TAFA1: variants seen among roughly 807,000 people sequenced by gnomAD.
The protein encoded by TAFA1 is chemokine-like protein TAFA-1.
TAFA1 carries 4 observed loss-of-function variants against 18.5 expected under a neutral mutation model. That is an observed-to-expected ratio of 0.22 (90% CI 0.11 to 0.49). The LOEUF is 0.49. Among genes scored for constraint, TAFA1 ranks in the 20% least tolerant of loss-of-function variants. TAFA1 has a pLI of 0.98. For synonymous variants in TAFA1, 56 were observed against 55.2 expected (o/e 1.01, Z -0.06); for missense variants, 147 against 169.0 (o/e 0.87, Z 0.72).
chr3:68,216,391 A>G (rs978898662), intron 2 of TAFA1, among the ~76,000 whole-genome samples: 2 of 152,230 alleles, frequency 1.3e-5, no homozygotes, highest in South Asian at 2.1e-4. Context: ...ATTAAAATAT[A>G]TAAAACACCT....
intron 2 of TAFA1, among the ~76,000 whole-genome samples, chr3:68,089,607 C>G (rs1276280874): frequency 6.6e-6 from 1 of 152,098 alleles, no homozygotes; most frequent in Non-Finnish European, 1.5e-5. Context: ...TCCAGGGAAA[C>G]CCAAGCCATG....
At chr3:68,405,343 A>C (rs2070577688) in intron 2 of TAFA1, among the ~76,000 whole-genome samples, 1 of 151,994 alleles carries the variant, frequency 6.6e-6, no homozygotes, top group African/African-American at 2.4e-5. Context: ...AAAATGAATA[A>C]AGAGGTAGGA....
intron 2 of TAFA1, among the ~76,000 whole-genome samples, chr3:68,143,542 C>A (rs1472915128): frequency 6.6e-6 from 1 of 152,180 alleles, no homozygotes; most frequent in Non-Finnish European, 1.5e-5. Flanking sequence ...GTCGTGGGGA[C>A]TGTTGTGTCC....
intron 2 of TAFA1, among the ~76,000 whole-genome samples, chr3:68,273,746 C>T (rs566748354): frequency 7.8e-4 from 119 of 152,232 alleles, no homozygotes; most frequent in African/African-American, 2.4e-3. Flanking sequence ...GTAGAGACAA[C>T]GGTGAGCTAA....
At chr3:68,141,816 G>T (rs1004226384) in intron 2 of TAFA1, among the ~76,000 whole-genome samples, 2 of 152,174 alleles carry the variant, frequency 1.3e-5, no homozygotes, top group African/African-American at 4.8e-5. Context: ...GCTTTCCACT[G>T]CGCTTCTCAT....
At chr3:68,533,388 A>G (rs1027409806) in intron 3 of TAFA1, among the ~76,000 whole-genome samples, 2 of 152,138 alleles carry the variant, frequency 1.3e-5, no homozygotes, top group Admixed American at 6.5e-5. Context: ...AGTATGGGGG[A>G]AACCGCCCCC....
At chr3:68,028,031 T>G (rs1704852838) in intron 2 of TAFA1, among the ~76,000 whole-genome samples, 1 of 152,112 alleles carries the variant, frequency 6.6e-6, no homozygotes, top group South Asian at 2.1e-4. Context: ...TACAGCAGTA[T>G]AGTTCAATAG....
At chr3:68,080,512 G>T (rs887613511) in intron 2 of TAFA1, among the ~76,000 whole-genome samples, 2 of 152,004 alleles carry the variant, frequency 1.3e-5, no homozygotes, top group Admixed American at 1.3e-4. Flanking sequence ...AGGCCTGGTG[G>T]TGACAAAATC....
At chr3:68,304,642 C>T (rs1344938739) in intron 2 of TAFA1, among the ~76,000 whole-genome samples, 9 of 152,136 alleles carry the variant, frequency 5.9e-5, no homozygotes, top group Admixed American at 5.9e-4. Flanking sequence ...TATGTTCAAA[C>T]AGCCACTGAA....
chr3:68,335,404 G>A (rs1459008801), intron 2 of TAFA1, among the ~76,000 whole-genome samples: 1 of 152,074 alleles, frequency 6.6e-6, no homozygotes, highest in East Asian at 1.9e-4. Flanking sequence ...CTGGGAAATA[G>A]CAATGAATGA....
intron 2 of TAFA1, among the ~76,000 whole-genome samples, chr3:68,325,083 T>C (rs1252595790): frequency 6.8e-6 from 1 of 147,330 alleles, no homozygotes; most frequent in African/African-American, 2.7e-5. Flanking sequence ...AGAGTGTGTC[T>C]GTCTCTCTCT....
chr3:68,111,892 C>T (rs1326128878), intron 2 of TAFA1, among the ~76,000 whole-genome samples: 1 of 151,868 alleles, frequency 6.6e-6, no homozygotes, highest in Admixed American at 6.6e-5. Context: ...TTAATAATTG[C>T]ATTAAATGCC....
intron 2 of TAFA1, among the ~76,000 whole-genome samples, chr3:68,165,336 C>G (rs976791085): frequency 2.0e-5 from 3 of 152,208 alleles, no homozygotes; most frequent in Admixed American, 2.0e-4. Context: ...GATTCTGTCC[C>G]CTCCCAATTC....
intron 2 of TAFA1, among the ~76,000 whole-genome samples, chr3:68,269,610 T>C (rs1052682444): frequency 6.6e-6 from 1 of 152,164 alleles, no homozygotes; most frequent in African/African-American, 2.4e-5. Flanking sequence ...GGTCCACACA[T>C]TTCCAGTGGG....
chr3:68,441,458 C>A (rs959990044), intron 3 of TAFA1, among the ~76,000 whole-genome samples: 1 of 152,130 alleles, frequency 6.6e-6, no homozygotes, highest in Non-Finnish European at 1.5e-5. Context: ...TAGCTCTTGG[C>A]CTGTTACTGG....
intron 2 of TAFA1, among the ~76,000 whole-genome samples, chr3:68,170,386 C>G (rs7645711): frequency 0.15 from 22,099 of 152,140 alleles, 1,917 homozygotes; most frequent in Middle Eastern, 0.2. Flanking sequence ...TGCAAACAGC[C>G]CTATCCCCAG....
At chr3:68,017,095 T>A (rs181948190) in intron 2 of TAFA1, among the ~76,000 whole-genome samples, 49 of 152,294 alleles carry the variant, frequency 3.2e-4, no homozygotes, top group African/African-American at 1.2e-3. Context: ...ATATGTGGCA[T>A]AGCAAAAAGT....
At chr3:68,337,893 G>A (rs1264285481) in intron 2 of TAFA1, among the ~76,000 whole-genome samples, 1 of 152,144 alleles carries the variant, frequency 6.6e-6, no homozygotes, top group East Asian at 1.9e-4. Flanking sequence ...GAGCAGTGTG[G>A]CATGCCTGAG....
At chr3:68,399,258 T>G (rs183670210) in intron 2 of TAFA1, among the ~76,000 whole-genome samples, 153 of 152,312 alleles carry the variant, frequency 1.0e-3, no homozygotes, top group Admixed American at 6.5e-4. Flanking sequence ...AAGAAATGTA[T>G]CCATTTTACA....
Sources: allele counts gnomAD v4.1 joint callset (sites outside exome capture counted in the v4.1 genomes callset), GRCh38; gene constraint gnomAD v4.1.1; transcripts MANE v1.5; gene names NCBI Gene and HGNC (gene_info 2026-07-23, HGNC 2026-07-21).